KDM4B: variants seen among roughly 807,000 people sequenced by gnomAD.
KDM4B encodes the protein lysine demethylase 4B.
Under a neutral mutation model 125.2 loss-of-function variants are expected in KDM4B, and 32 were observed. That is an observed-to-expected ratio of 0.26 (90% CI 0.19 to 0.34). The LOEUF (loss-of-function observed/expected upper bound fraction) is 0.34. KDM4B is among the 10% of genes least tolerant of loss of function. KDM4B has a pLI of 1.00. For missense variants in KDM4B, 1,190 were observed against 1,577.7 expected, an observed-to-expected ratio of 0.75 and a Z score of 4.16; for synonymous variants, 721 against 677.9, an observed-to-expected ratio of 1.06 and a Z score of -0.99.
chr19:5,137,473 C>A, intron 16 of KDM4B, 135 bp downstream of exon 16: 1 of 1,187,492 alleles, frequency 8.4e-7, no homozygotes, highest in Non-Finnish European at 1.2e-6. Flanking sequence ...GGGGGTGGAA[C>A]CCAAGGGATT....
chr19:5,025,773 G>GA (rs1457858159), intron 2 of KDM4B, among the ~76,000 whole-genome samples: 6 of 152,240 alleles, frequency 3.9e-5, no homozygotes, highest in Non-Finnish European at 5.9e-5. Flanking sequence ...ACCCCTGCGT[G>GA]TTTGACAATC....
intron 1 of KDM4B, among the ~76,000 whole-genome samples, chr19:4,990,705 A>G (rs1188098581): frequency 6.6e-6 from 1 of 152,232 alleles, no homozygotes; most frequent in Non-Finnish European, 1.5e-5. Flanking sequence ...TGGGGAGAAT[A>G]TTCGATGAGA....
intron 6 of KDM4B, among the ~76,000 whole-genome samples, chr19:5,061,384 G>A (rs2037592664): frequency 6.6e-6 from 1 of 152,152 alleles, no homozygotes; most frequent in Non-Finnish European, 1.5e-5. Context: ...CCCGTAAAAC[G>A]ATCCATTAAA....
chr19:5,038,396 C>T (rs907007460), intron 3 of KDM4B, among the ~76,000 whole-genome samples: 20 of 152,198 alleles, frequency 1.3e-4, no homozygotes, highest in Admixed American at 9.2e-4. Flanking sequence ...GCGTGTACTC[C>T]GGATAGCCCT....
chr19:4,975,204 A>G (rs2034403131), intron 1 of KDM4B, among the ~76,000 whole-genome samples: 1 of 152,196 alleles, frequency 6.6e-6, no homozygotes, highest in Non-Finnish European at 1.5e-5. Context: ...TGTAAGCCAG[A>G]GGTCATCTCT....
chr19:5,103,550 A>G lies in KDM4B; in HGVS notation c.919-7072A>G, dbSNP rs551196789. On this transcript the variant is annotated intron_variant, in intron 9 of 22. Coordinates refer to ENST00000159111, the MANE Select transcript of KDM4B (RefSeq NM_015015.3). ...CTCTTTGGCTTGGTGTTTGGGCACC[A>G]GCTGACGGGCCAGCCAGCAGCAGCG... Among the ~76,000 whole-genome samples, 10 of 152,304 alleles carry G rather than the reference A, an allele frequency of 6.6e-5. No individual in the cohort carries two copies. The East Asian group carries it at 1.7e-3, about 26-fold the overall frequency.
At chr19:5,048,311 C>T (rs981441736) in intron 6 of KDM4B, among the ~76,000 whole-genome samples, 7 of 152,172 alleles carry the variant, frequency 4.6e-5, no homozygotes, top group South Asian at 4.1e-4. Flanking sequence ...TGCACGTGTG[C>T]GCGCGCATGT....
chr19:5,039,624 G>A (rs529751180), intron 3 of KDM4B, among the ~76,000 whole-genome samples: 17 of 152,312 alleles, frequency 1.1e-4, no homozygotes, highest in Non-Finnish European at 2.1e-4. Context: ...CCTGGAGGAT[G>A]GCTCTGCCCT....
chr19:5,090,017 A>G (rs2038637491), intron 9 of KDM4B, among the ~76,000 whole-genome samples: 2 of 152,180 alleles, frequency 1.3e-5, no homozygotes, highest in Admixed American at 1.3e-4. Context: ...AAAAAGGGGG[A>G]AACAAGACAA....
At chr19:5,042,750 G>T (rs1031274383) in intron 5 of KDM4B, among the ~76,000 whole-genome samples, 1 of 151,388 alleles carries the variant, frequency 6.6e-6, no homozygotes, top group Non-Finnish European at 1.5e-5. Context: ...GGACAGCACC[G>T]CGGGGATGGC....
At chr19:5,044,686 TAC>T (rs895369619) in intron 5 of KDM4B, among the ~76,000 whole-genome samples, 1 of 152,086 alleles carries the variant, frequency 6.6e-6, no homozygotes, top group Non-Finnish European at 1.5e-5. Flanking sequence ...TAGCTGGGAT[TAC>T]AGTGTCACAT....
rs991827461 is a variant in KDM4B at position 4,971,653 on chromosome 19, G to C, written c.-109+2423G>C. Among the ~76,000 whole-genome samples the C allele has an allele frequency of 6.6e-5, 10 of 152,294 alleles. No individual in the cohort carries two copies. Among genetic ancestry groups the C allele is most frequent in the African/African-American group, 2.4e-4 (10 of 41,548 alleles). On this transcript the variant is annotated intron_variant, in intron 1 of 22. Coordinates refer to ENST00000159111, the MANE Select transcript of KDM4B (RefSeq NM_015015.3). The surrounding 1 kb of genome is among the most constrained non-coding windows in gnomAD (Gnocchi z 4.1). ...GGCTCCTGTGGGTTTAGAGTGTAGT[G>C]GGGGAAAGGGTGAGCTGGCTGCCCA...
chr19:5,099,389 A>G (rs928069954), intron 9 of KDM4B, among the ~76,000 whole-genome samples: 3 of 152,182 alleles, frequency 2.0e-5, no homozygotes, highest in Non-Finnish European at 4.4e-5. Context: ...TACCATAGGG[A>G]AGGGTTGTTT....
At chr19:4,998,550 T>G (rs749249349) in intron 1 of KDM4B, among the ~76,000 whole-genome samples, 8 of 152,182 alleles carry the variant, frequency 5.3e-5, no homozygotes, top group Non-Finnish European at 1.0e-4. Flanking sequence ...TTACCTCTCC[T>G]TCAGTGTGTA....
At chr19:5,065,007 G>T (rs1223789573) in intron 6 of KDM4B, among the ~76,000 whole-genome samples, 1 of 152,232 alleles carries the variant, frequency 6.6e-6, no homozygotes, top group Admixed American at 6.5e-5. Flanking sequence ...CACCTCCTCC[G>T]CCTCGGGTTC....
intron 6 of KDM4B, among the ~76,000 whole-genome samples, chr19:5,052,695 G>A (rs2037268172): frequency 6.6e-6 from 1 of 152,242 alleles, no homozygotes; most frequent in Non-Finnish European, 1.5e-5. Context: ...CCCCACAATG[G>A]CCTCTGCCCT....
At chr19:5,129,207 G>T (rs1008303032) in intron 11 of KDM4B, among the ~76,000 whole-genome samples, 1 of 152,178 alleles carries the variant, frequency 6.6e-6, no homozygotes, top group East Asian at 1.9e-4. Flanking sequence ...GGGCAGGGCC[G>T]CCTCCACTCC....
At chr19:5,065,952 G>A (rs2037756733) in intron 6 of KDM4B, among the ~76,000 whole-genome samples, 1 of 152,218 alleles carries the variant, frequency 6.6e-6, no homozygotes, top group African/African-American at 2.4e-5. Context: ...GGCTGAGCCT[G>A]GTGGGGCATC....
At chr19:5,123,200 C>T (rs1254243362) in intron 11 of KDM4B, among the ~76,000 whole-genome samples, 2 of 152,224 alleles carry the variant, frequency 1.3e-5, no homozygotes, top group South Asian at 2.1e-4. Context: ...TCGCGTGGCA[C>T]GGGGCTTCTC....
Sources: gnomAD v4.1 joint callset for allele counts (sites outside exome capture counted in the v4.1 genomes callset) on GRCh38, gnomAD v4.1.1 for gene constraint, Gnocchi (gnomAD v3.1) non-coding constraint, MANE v1.5 for transcripts, NCBI Gene and HGNC (gene_info 2026-07-23, HGNC 2026-07-21) for gene names.